PPA2: variants seen among roughly 807,000 people sequenced by gnomAD.
The protein encoded by PPA2 is inorganic pyrophosphatase 2, mitochondrial.
In PPA2, 48 loss-of-function variants were observed where a neutral mutation model predicts 49.5. The observed-to-expected ratio is 0.97, with a 90% CI of 0.77 to 1.23. PPA2 has a LOEUF of 1.23. Among genes scored for constraint, PPA2 ranks in the 50% most tolerant of loss-of-function variants. The pLI is 0.00. For synonymous variants in PPA2, 131 were observed against 139.9 expected (o/e 0.94, Z 0.45); for missense variants, 429 against 410.1 (o/e 1.05, Z -0.40).
rs1195334711 is a variant in PPA2 at position 105,472,115 on chromosome 4, C to G, written c.157+1779G>C. On this transcript the variant is annotated intron_variant, in intron 1 of 11. Transcript: ENST00000341695. ...ATTCATCCAATGCCTTCAGGGAATA[C>G]CAGTGCTGAGAAGGACCTTGAGGAT... Among the ~76,000 whole-genome samples, 6 of 152,314 alleles carry G rather than the reference C, an allele frequency of 3.9e-5. No homozygotes were observed. The East Asian group carries it at 5.8e-4, about 15-fold the overall frequency.
At chr4:105,379,443 AGATAGATAGATAGATAGATAGAT>A (rs1267919498) in intron 10 of PPA2, among the ~76,000 whole-genome samples, 1 of 100,222 alleles carries the variant, frequency 1.0e-5, no homozygotes, top group Non-Finnish European at 2.4e-5. Context: ...ATAGATAGAT[AGATAGATAGATAGATAGATAGAT>A]ATCTCAAGCA....
chr4:105,392,817 T>G (rs1186874229), intron 9 of PPA2, among the ~76,000 whole-genome samples: 3 of 152,212 alleles, frequency 2.0e-5, no homozygotes, highest in African/African-American at 7.2e-5. Context: ...CTTGAGGAAC[T>G]TATATTCTAG....
At chr4:105,402,866 T>C (rs1057119166) in intron 7 of PPA2, among the ~76,000 whole-genome samples, 4 of 152,180 alleles carry the variant, frequency 2.6e-5, no homozygotes, top group Non-Finnish European at 4.4e-5. Flanking sequence ...ATTTTGGGTA[T>C]GTTTTAGAAA....
intron 6 of PPA2, among the ~76,000 whole-genome samples, chr4:105,434,970 A>T (rs1004751238): frequency 4.6e-5 from 7 of 152,252 alleles, no homozygotes; most frequent in African/African-American, 1.7e-4. Context: ...TCAATTCAAC[A>T]AATCTGTGCT....
At chr4:105,472,104 T>G (rs574904387) in intron 1 of PPA2, among the ~76,000 whole-genome samples, 2 of 152,322 alleles carry the variant, frequency 1.3e-5, no homozygotes, top group South Asian at 4.1e-4. Flanking sequence ...ATCCAATGCC[T>G]TCAGGGAATA....
chr4:105,401,046 G>A (rs888290534), intron 7 of PPA2, among the ~76,000 whole-genome samples: 3 of 152,096 alleles, frequency 2.0e-5, no homozygotes, highest in Non-Finnish European at 2.9e-5. Flanking sequence ...GCAAATGCCT[G>A]AAGCCAAATT....
chr4:105,452,156 G>A (rs1350255320), intron 3 of PPA2, among the ~76,000 whole-genome samples: 1 of 152,142 alleles, frequency 6.6e-6, no homozygotes, highest in African/African-American at 2.4e-5. Context: ...GAAAAGACAG[G>A]AAGAAATCAC....
chr4:105,385,421 AAAAC>A (rs1281749900), intron 10 of PPA2, among the ~76,000 whole-genome samples: 2 of 152,098 alleles, frequency 1.3e-5, no homozygotes, highest in African/African-American at 4.8e-5. Context: ...AAAAAAACAA[AAAAC>A]AAACAAACAA....
At chr4:105,466,631 T>G (rs1368813507) in intron 1 of PPA2, among the ~76,000 whole-genome samples, 1 of 152,150 alleles carries the variant, frequency 6.6e-6, no homozygotes, top group East Asian at 1.9e-4. Flanking sequence ...TAAAAGGCTT[T>G]AGAGCAGGAA....
intron 7 of PPA2, among the ~76,000 whole-genome samples, chr4:105,409,270 C>A (rs113918765): frequency 0.036 from 5,434 of 152,272 alleles, 326 homozygotes; most frequent in African/African-American, 0.12. Flanking sequence ...CTCAGCAGGT[C>A]CCACACCCAC....
chr4:105,473,654 G>A, intron 1 of PPA2: 1 of 756,318 alleles, frequency 1.3e-6, no homozygotes. Context: ...CCCCCCAGCC[G>A]GCAGCCCTGC....
intron 7 of PPA2, among the ~76,000 whole-genome samples, chr4:105,402,601 A>G (rs1025771092): frequency 2.1e-4 from 32 of 152,202 alleles, no homozygotes; most frequent in African/African-American, 7.5e-4. Context: ...AGATACGATT[A>G]GAGAAGCAGT....
chr4:105,377,652 C>T (rs1462519682), intron 10 of PPA2, among the ~76,000 whole-genome samples: 4 of 152,008 alleles, frequency 2.6e-5, no homozygotes, highest in Admixed American at 2.6e-4. Context: ...AGATAATAAA[C>T]ATATTCACCA....
Position 105,369,485 on chromosome 4 carries a change from A to T in PPA2, c.*240T>A, listed in dbSNP as rs1408834355. ...TGATCTGCCCACCTCGGCCTCCCAAAGTGCTGAAATTACAGGCATGAGCCA... is the reference window on the plus strand; with the variant it reads ...TGATCTGCCCACCTCGGCCTCCCAATGTGCTGAAATTACAGGCATGAGCCA... On this transcript the variant is annotated 3_prime_UTR_variant, in exon 12 of 12. Transcript: ENST00000341695. 4.6e-5 allele frequency: 21 copies of T among 457,480 alleles called. No homozygotes were observed. The highest frequency in any genetic ancestry group is 5.3e-4 in the Middle Eastern group (1 of 1,872). 28.3% of individuals were successfully genotyped at this position (457,480 alleles called of 1,614,324 possible). A position where few individuals can be genotyped will look rare whatever the true frequency, so the allele number is the denominator to read the frequency against.
At chr4:105,458,818 CAAAAAAAAA>C (rs57073135) in intron 1 of PPA2, among the ~76,000 whole-genome samples, 12 of 31,530 alleles carry the variant, frequency 3.8e-4, no homozygotes, top group African/African-American at 8.0e-4. Flanking sequence ...ACTCCACCTC[CAAAAAAAAA>C]AAAAAAAAAA....
intron 7 of PPA2, among the ~76,000 whole-genome samples, chr4:105,400,852 A>C (rs1381688225): frequency 2.0e-5 from 3 of 152,192 alleles, no homozygotes; most frequent in Non-Finnish European, 4.4e-5. Flanking sequence ...CCAATAAGCA[A>C]AGACACAAAT....
intron 10 of PPA2, 151 bp from the exon 11 acceptor site, chr4:105,371,024 A>G (rs1475009599): frequency 1.5e-6 from 1 of 664,084 alleles, no homozygotes; most frequent in African/African-American, 1.9e-5. Context: ...TTTGCTTTTC[A>G]TTATCATTGT....
intron 1 of PPA2, among the ~76,000 whole-genome samples, chr4:105,465,192 G>A (rs900532092): frequency 6.6e-5 from 10 of 152,174 alleles, no homozygotes; most frequent in African/African-American, 2.2e-4. Flanking sequence ...TTACACTCAG[G>A]TGTGTGAGAA....
Position 105,399,100 on chromosome 4 carries a change from T to A in PPA2, c.720A>T (p.Leu240Phe). ...CTGGTTTTCCATCTGGTACCTTATA[T>A]AATCTAAACCAATTAAGAGTAGCTT... The part of the protein sequence containing the change: ...YLEATLNWFR[L>F]YKVPDGKPEN... The change falls in exon 8 of 12, where the codon TTA becomes TTT. Residue 240 changes from leucine (L) to phenylalanine (F), a missense_variant. Leu to Phe is a conservative substitution (Grantham distance 22). Transcript: ENST00000341695. 1 of 1,611,214 alleles carries A rather than the reference T, an allele frequency of 6.2e-7. No individual in the cohort carries two copies. The highest frequency in any genetic ancestry group is 1.1e-5 in the South Asian group (1 of 90,176).
Sources: allele counts gnomAD v4.1 joint callset (sites outside exome capture counted in the v4.1 genomes callset), GRCh38; gene constraint gnomAD v4.1.1; transcripts MANE v1.5; gene names NCBI Gene and HGNC (gene_info 2026-07-23, HGNC 2026-07-21).